The following CRTAC1 variants were observed in gnomAD, a reference collection of about 807,000 sequenced individuals.
CRTAC1 encodes the protein cartilage acidic protein 1.
A neutral mutation model predicts 67.8 loss-of-function variants in CRTAC1; 37 were observed. The ratio of observed to expected loss-of-function variants is 0.55; its 90% CI spans 0.42 to 0.72. CRTAC1 has a LOEUF of 0.72. CRTAC1 is among the 30% of genes least tolerant of loss of function. The pLI, the probability that CRTAC1 is intolerant of heterozygous loss-of-function variation, is 0.00. For missense variants in CRTAC1, 780 were observed against 931.6 expected (o/e 0.84, Z 2.12); for synonymous variants, 348 against 371.0 (o/e 0.94, Z 0.71).
intron 2 of CRTAC1, among the ~76,000 whole-genome samples, chr10:97,959,756 A>G (rs539597868): frequency 6.6e-6 from 1 of 152,194 alleles, no homozygotes; most frequent in Non-Finnish European, 1.5e-5. Context: ...TAAGCCCCTA[A>G]TAAAACCCCA....
At chr10:97,927,856 G>A (rs140052271) in intron 3 of CRTAC1, among the ~76,000 whole-genome samples, 22 of 152,264 alleles carry the variant, frequency 1.4e-4, no homozygotes, top group African/African-American at 4.6e-4. Context: ...TGTGCGGGTC[G>A]ATGGCACAGG....
chr10:97,953,485 G>A (rs1399258624), intron 2 of CRTAC1, among the ~76,000 whole-genome samples: 1 of 152,126 alleles, frequency 6.6e-6, no homozygotes, highest in African/African-American at 2.4e-5. Flanking sequence ...CTCAATGGAG[G>A]TCCCTTAGAG....
chr10:97,897,014 G>GC (rs1449992742), intron 8 of CRTAC1, 23 bp from the exon 9 acceptor site: 1 of 1,536,364 alleles, frequency 6.5e-7, no homozygotes, highest in Admixed American at 2.0e-5. Context: ...AGACAGGCTT[G>GC]CTCTGGTGGG....
In CRTAC1 at chr10:98,030,132, T is replaced by A. The variant is rs1320927623; in HGVS notation, c.24+317A>T. Among the ~76,000 whole-genome samples, 4 of 149,250 alleles carry A rather than the reference T, an allele frequency of 2.7e-5. No homozygotes were observed. The highest frequency in any genetic ancestry group is 5.9e-5 in the Non-Finnish European group (4 of 67,294). On this transcript the variant is annotated intron_variant, in intron 1 of 14. Coordinates refer to ENST00000370597, the MANE Select transcript of CRTAC1 (RefSeq NM_018058.7). This position sits in a 1 kb window ranked among gnomAD's most constrained non-coding sequence, Gnocchi z 4.2. Reference sequence around the variant, plus strand: ...TCCAGGCCCCAGAGGCCCCCTCCCCTGACAGCTGACCTCCAGTGCGCCCCC... The same window carrying A: ...TCCAGGCCCCAGAGGCCCCCTCCCCAGACAGCTGACCTCCAGTGCGCCCCC...
chr10:98,022,193 TAA>T lies in CRTAC1; in HGVS notation c.24+8254_24+8255del, dbSNP rs551878510. Among the ~76,000 whole-genome samples the T allele has an allele frequency of 3.1e-3, 473 of 151,858 alleles. 4 individuals are homozygous for T. The highest frequency in any genetic ancestry group is 0.01 in the African/African-American group (434 of 41,396). On this transcript the variant is annotated intron_variant, in intron 1 of 14. Coordinates refer to ENST00000370597, the MANE Select transcript of CRTAC1 (RefSeq NM_018058.7). ...CAACATGGAGAAACCCCAACTCTAC[TAA>T]AAATACAAAATTAGCTGGGTGTGGT... is the stretch of plus-strand genomic sequence containing the variant.
Position 97,885,071 on chromosome 10 carries a change from A to G in CRTAC1, c.1487-720T>C, listed in dbSNP as rs1026189493. Among the ~76,000 whole-genome samples the G allele has an allele frequency of 2.3e-4, 35 of 152,378 alleles. 1 individual carries two copies. Among genetic ancestry groups the G allele is most frequent in the Non-Finnish European group, 4.6e-4 (31 of 68,042 alleles). ...GGGAGACAAGCAAACAGATGAACAA[A>G]TAAATAATGCCAGATATTGACAAAA... On this transcript the variant is annotated intron_variant, in intron 11 of 14. Coordinates refer to ENST00000370597, the MANE Select transcript of CRTAC1 (RefSeq NM_018058.7).
chr10:98,024,476 C>T (rs940592088), intron 1 of CRTAC1, among the ~76,000 whole-genome samples: 1 of 152,106 alleles, frequency 6.6e-6, no homozygotes, highest in Non-Finnish European at 1.5e-5. Context: ...GAGGAGAAGT[C>T]GCCATCACCC....
intron 2 of CRTAC1, among the ~76,000 whole-genome samples, chr10:97,990,705 C>T (rs1842428435): frequency 6.6e-6 from 1 of 152,200 alleles, no homozygotes; most frequent in Non-Finnish European, 1.5e-5. Context: ...GAGTTGCTCT[C>T]ATTCACCACT....
At chr10:98,023,244 A>T (rs377049066) in intron 1 of CRTAC1, among the ~76,000 whole-genome samples, 13 of 152,210 alleles carry the variant, frequency 8.5e-5, no homozygotes, top group African/African-American at 3.1e-4. Flanking sequence ...CCTTGCCTGG[A>T]GTCCTCAAGC....
At chr10:97,951,447 C>A (rs76607298) in intron 2 of CRTAC1, among the ~76,000 whole-genome samples, 1 of 152,174 alleles carries the variant, frequency 6.6e-6, no homozygotes, top group East Asian at 1.9e-4. Context: ...CTACTAAAAG[C>A]GGTCATTCAG....
At chr10:97,868,809 T>C (rs1413939339) in intron 14 of CRTAC1, 5 of 152,112 alleles carry the variant, frequency 3.3e-5, no homozygotes, top group Non-Finnish European at 5.9e-5. Context: ...TGGGTGCTTA[T>C]CTGACTGAGA....
chr10:97,926,095 T>C (rs1367363796), intron 3 of CRTAC1, among the ~76,000 whole-genome samples: 1 of 152,192 alleles, frequency 6.6e-6, no homozygotes, highest in Non-Finnish European at 1.5e-5. Flanking sequence ...GAAAAGTCCC[T>C]TCCGCTGAGT....
chr10:97,896,026 A>T, intron 9 of CRTAC1, 41 bp from the exon 10 acceptor site: 1 of 1,569,362 alleles, frequency 6.4e-7, no homozygotes, highest in Non-Finnish European at 8.8e-7. Context: ...GTAATCCAGG[A>T]GACCCACAAA....
At chr10:97,947,228 G>A (rs2051280494) in intron 2 of CRTAC1, among the ~76,000 whole-genome samples, 1 of 152,148 alleles carries the variant, frequency 6.6e-6, no homozygotes, top group Non-Finnish European at 1.5e-5. Flanking sequence ...CAGGCACACC[G>A]CGAGGTACTG....
At chr10:97,960,688 C>T (rs890707598) in intron 2 of CRTAC1, among the ~76,000 whole-genome samples, 3 of 152,208 alleles carry the variant, frequency 2.0e-5, no homozygotes, top group African/African-American at 7.2e-5. Context: ...CTCTAGAATC[C>T]ACCTTTGGGG....
intron 2 of CRTAC1, among the ~76,000 whole-genome samples, chr10:97,938,837 A>T (rs2051129185): frequency 6.6e-6 from 1 of 152,228 alleles, no homozygotes; most frequent in South Asian, 2.1e-4. Flanking sequence ...AGAGTTGGAC[A>T]AAATCTGAGG....
intron 9 of CRTAC1, among the ~76,000 whole-genome samples, chr10:97,896,447 A>C (rs1240937762): frequency 6.6e-6 from 1 of 152,144 alleles, no homozygotes; most frequent in African/African-American, 2.4e-5. Flanking sequence ...GGGTAAAGTC[A>C]CTTTTCCAAG....
intron 14 of CRTAC1, among the ~76,000 whole-genome samples, chr10:97,875,642 C>T (rs968870410): frequency 2.0e-5 from 3 of 152,176 alleles, no homozygotes; most frequent in African/African-American, 7.2e-5. Context: ...CTCGGTTTGC[C>T]TTCTGGGCTG....
chr10:97,915,484 C>T (rs2050745571), intron 5 of CRTAC1, among the ~76,000 whole-genome samples: 1 of 152,226 alleles, frequency 6.6e-6, no homozygotes, highest in Non-Finnish European at 1.5e-5. Context: ...CATGGCCTGC[C>T]CCTTCTGCCT....
Sources: allele counts gnomAD v4.1 joint callset (sites outside exome capture counted in the v4.1 genomes callset), GRCh38; gene constraint gnomAD v4.1.1; non-coding constraint Gnocchi (gnomAD v3.1); transcripts MANE v1.5; gene names NCBI Gene and HGNC (gene_info 2026-07-23, HGNC 2026-07-21).